Variants in LMBRD1 observed in about 807,000 individuals in gnomAD.
LMBRD1 encodes lysosomal cobalamin transport escort protein LMBD1.
A neutral mutation model predicts 74.8 loss-of-function variants in LMBRD1; 64 were observed. The ratio of observed to expected loss-of-function variants is 0.86; its 90% CI spans 0.70 to 1.05. The LOEUF is 1.05. Ranked by LOEUF, LMBRD1 falls within the 50% of genes least tolerant of loss-of-function variation. The pLI, the probability that LMBRD1 is intolerant of heterozygous loss-of-function variation, is 0.00. For synonymous variants in LMBRD1, 204 were observed against 216.3 expected, an observed-to-expected ratio of 0.94 and a Z score of 0.50; for missense variants, 652 against 645.9, an observed-to-expected ratio of 1.01 and a Z score of -0.10.
At chr6:69,706,154 C>T in intron 9 of LMBRD1, 2 of 524,612 alleles carry the variant, frequency 3.8e-6, no homozygotes, top group South Asian at 3.5e-5. Context: ...TCCATCAAAT[C>T]TTCCATCAGG....
intron 7 of LMBRD1, 43 bp downstream of exon 7, chr6:69,737,898 GT>G: frequency 1.5e-6 from 2 of 1,290,472 alleles, no homozygotes; most frequent in Non-Finnish European, 1.1e-6. Flanking sequence ...TAAAAAAATT[GT>G]TTTATAAGGC....
At chr6:69,721,852 G>T (rs918392125) in intron 7 of LMBRD1, among the ~76,000 whole-genome samples, 6 of 152,276 alleles carry the variant, frequency 3.9e-5, no homozygotes, top group African/African-American at 7.2e-5. Flanking sequence ...TGAGTCTCAG[G>T]CCTGGCAGCA....
chr6:69,691,985 A>C (rs1055006337), intron 14 of LMBRD1, among the ~76,000 whole-genome samples: 8 of 152,022 alleles, frequency 5.3e-5, no homozygotes, highest in Non-Finnish European at 1.0e-4. Context: ...CAGAACTTAA[A>C]GTTCAATTAC....
intron 9 of LMBRD1, among the ~76,000 whole-genome samples, chr6:69,706,702 T>C (rs1490338998): frequency 6.6e-6 from 1 of 152,194 alleles, no homozygotes; most frequent in East Asian, 1.9e-4. Context: ...ACTATTATAT[T>C]TCAATCTCTA....
At chr6:69,745,983 G>T in intron 5 of LMBRD1, 1 of 232,698 alleles carries the variant, frequency 4.3e-6, no homozygotes, top group Non-Finnish European at 8.7e-6. Context: ...ACCCTTCAGT[G>T]ACCTTCACTA....
intron 14 of LMBRD1, among the ~76,000 whole-genome samples, chr6:69,696,034 A>T (rs920095570): frequency 1.1e-4 from 16 of 151,968 alleles, no homozygotes; most frequent in Non-Finnish European, 2.2e-4. Context: ...AGTAGAGACA[A>T]AGTTTCGCCA....
chr6:69,728,253 T>C (rs1271094099), intron 7 of LMBRD1, among the ~76,000 whole-genome samples: 2 of 152,150 alleles, frequency 1.3e-5, no homozygotes, highest in Non-Finnish European at 2.9e-5. Flanking sequence ...ACTACGAGGA[T>C]GGTGCTAAAC....
chr6:69,689,069 C>A (rs1018961295), intron 14 of LMBRD1, among the ~76,000 whole-genome samples: 2 of 151,922 alleles, frequency 1.3e-5, no homozygotes, highest in Non-Finnish European at 2.9e-5. Flanking sequence ...TAAGGGTAAA[C>A]TACTTTAGGA....
At chr6:69,704,008 T>C (rs1766193150) in intron 9 of LMBRD1, among the ~76,000 whole-genome samples, 1 of 152,088 alleles carries the variant, frequency 6.6e-6, no homozygotes, top group Non-Finnish European at 1.5e-5. Flanking sequence ...TAGATTATGC[T>C]TTTTTCCAGA....
intron 7 of LMBRD1, among the ~76,000 whole-genome samples, chr6:69,725,820 G>A (rs117712099): frequency 0.017 from 2,556 of 152,228 alleles, 33 homozygotes; most frequent in Middle Eastern, 0.044. Flanking sequence ...CAGGACATTG[G>A]TCTGGATAAA....
intron 7 of LMBRD1, among the ~76,000 whole-genome samples, chr6:69,736,332 T>A (rs1181151577): frequency 6.6e-6 from 1 of 152,166 alleles, no homozygotes; most frequent in Non-Finnish European, 1.5e-5. Context: ...TTATAAAAGA[T>A]TCAGCTTCCC....
chr6:69,788,672 A>T (rs1442257794), intron 2 of LMBRD1, among the ~76,000 whole-genome samples: 1 of 152,236 alleles, frequency 6.6e-6, no homozygotes, highest in Admixed American at 6.5e-5. Context: ...ACCCAATGAC[A>T]CCAGTAAAAT....
chr6:69,675,970 G>A lies in LMBRD1; in HGVS notation c.*188C>T, dbSNP rs1030907028. 49 of 589,534 alleles carry A rather than the reference G, an allele frequency of 8.3e-5. No homozygotes were observed. The highest frequency in any genetic ancestry group is 2.1e-4 in the East Asian group (7 of 33,760). The allele number at this position is 589,534 out of a possible 1,614,324, so 36.5% of individuals were successfully genotyped here. Reference sequence around the variant, plus strand: ...TCTTATATTTACATAGCATGATTATGGTAATTTAAAATGTTAATCTATGAT... The same window carrying A: ...TCTTATATTTACATAGCATGATTATAGTAATTTAAAATGTTAATCTATGAT... On this transcript the variant is annotated 3_prime_UTR_variant, in exon 16 of 16. Coordinates refer to ENST00000649934, the MANE Select transcript of LMBRD1 (RefSeq NM_018368.4).
intron 14 of LMBRD1, among the ~76,000 whole-genome samples, chr6:69,689,897 T>C (rs1765840658): frequency 6.6e-6 from 1 of 152,058 alleles, no homozygotes; most frequent in Non-Finnish European, 1.5e-5. Flanking sequence ...GAGAAAGCAG[T>C]AAATTTACAA....
intron 14 of LMBRD1, among the ~76,000 whole-genome samples, chr6:69,680,656 T>G (rs1315335089): frequency 2.6e-5 from 4 of 152,102 alleles, no homozygotes; most frequent in Non-Finnish European, 5.9e-5. Context: ...CATTCTGCGT[T>G]GTTGTTGAAA....
intron 8 of LMBRD1, 85 bp downstream of exon 8, chr6:69,718,871 G>A: frequency 7.0e-7 from 1 of 1,431,760 alleles, no homozygotes; most frequent in Non-Finnish European, 9.8e-7. Flanking sequence ...AAGTTATGGG[G>A]TTGACAATGT....
At chr6:69,768,234 G>A (rs760450507) in intron 3 of LMBRD1, among the ~76,000 whole-genome samples, 12 of 151,806 alleles carry the variant, frequency 7.9e-5, no homozygotes, top group Admixed American at 2.0e-4. Context: ...ACTTTATTAT[G>A]TCTTTTTTGT....
intron 4 of LMBRD1, among the ~76,000 whole-genome samples, chr6:69,751,253 A>G (rs1388284688): frequency 1.3e-5 from 2 of 152,088 alleles, no homozygotes; most frequent in Non-Finnish European, 2.9e-5. Flanking sequence ...GTTTATACCA[A>G]TACTTAAGTG....
intron 5 of LMBRD1, chr6:69,746,966 A>G (rs1316280827): frequency 6.6e-6 from 1 of 151,736 alleles, no homozygotes; most frequent in Non-Finnish European, 1.5e-5. Flanking sequence ...TCCCCTGGAC[A>G]CAGTTTCTGT....
Sources: gnomAD v4.1 joint callset for allele counts (sites outside exome capture counted in the v4.1 genomes callset) on GRCh38, gnomAD v4.1.1 for gene constraint, MANE v1.5 for transcripts, NCBI Gene and HGNC (gene_info 2026-07-23, HGNC 2026-07-21) for gene names.